Variants in PRORP observed in about 807,000 individuals in gnomAD.
PRORP encodes the protein mitochondrial ribonuclease P catalytic subunit.
A neutral mutation model predicts 59.4 loss-of-function variants in PRORP; 51 were observed. That is an observed-to-expected ratio of 0.86 (90% confidence interval 0.69 to 1.08). The LOEUF (loss-of-function observed/expected upper bound fraction) is 1.08, where lower values mean the gene tolerates loss of function less well. Among genes scored for constraint, PRORP ranks in the 50% least tolerant of loss-of-function variants. The pLI, the probability that PRORP is intolerant of heterozygous loss-of-function variation, is 0.00. For synonymous variants in PRORP, 231 were observed against 245.6 expected (o/e 0.94, Z 0.55); for missense variants, 646 against 690.3 (o/e 0.94, Z 0.72).
At chr14:35,267,365 A>G (rs944379175) in intron 6 of PRORP, among the ~76,000 whole-genome samples, 3 of 152,178 alleles carry the variant, frequency 2.0e-5, no homozygotes, top group Non-Finnish European at 4.4e-5. Flanking sequence ...TAGGTAAGGG[A>G]TAGGTCAGAG....
At chr14:35,224,128 G>A (rs547368375) in intron 5 of PRORP, among the ~76,000 whole-genome samples, 1 of 152,280 alleles carries the variant, frequency 6.6e-6, no homozygotes, top group South Asian at 2.1e-4. Context: ...CTTTTAGCTA[G>A]CATTGTAAAG....
intron 5 of PRORP, among the ~76,000 whole-genome samples, chr14:35,213,582 G>A (rs2049508277): frequency 6.6e-6 from 1 of 152,148 alleles, no homozygotes; most frequent in African/African-American, 2.4e-5. Context: ...GGTAGGAAAT[G>A]TGCAACTCTT....
intron 5 of PRORP, among the ~76,000 whole-genome samples, chr14:35,234,467 C>A (rs1167343932): frequency 6.6e-6 from 1 of 152,134 alleles, no homozygotes; most frequent in Non-Finnish European, 1.5e-5. Context: ...CCTCTTAAAA[C>A]CATCTCTGCT....
intron 6 of PRORP, 137 bp from the exon 7 acceptor site, chr14:35,270,264 C>T (rs2051150897): frequency 1.4e-6 from 1 of 737,840 alleles, no homozygotes; most frequent in Non-Finnish European, 2.2e-6. Context: ...TGAGGTGGTT[C>T]TTAAGTATTA....
At chr14:35,122,415 C>G (rs2046942106), upstream of PRORP, 1 of 160,742 alleles carries the variant, frequency 6.2e-6, no homozygotes, top group African/African-American at 2.4e-5. Context: ...GACACTTCAG[C>G]AGCCGTCTCC....
At chr14:35,237,655 C>T (rs2050255276) in intron 5 of PRORP, among the ~76,000 whole-genome samples, 1 of 151,958 alleles carries the variant, frequency 6.6e-6, no homozygotes, top group Admixed American at 6.6e-5. Flanking sequence ...TTTTCACCTT[C>T]TTAAACTTCT....
At chr14:35,169,436 G>A (rs1021358203) in intron 4 of PRORP, among the ~76,000 whole-genome samples, 14 of 140,666 alleles carry the variant, frequency 1.0e-4, no homozygotes, top group South Asian at 4.5e-4. Flanking sequence ...CTGCCTGAGC[G>A]TGGGTAAATT....
At chr14:35,234,997 T>C (rs943751648) in intron 5 of PRORP, among the ~76,000 whole-genome samples, 2 of 152,126 alleles carry the variant, frequency 1.3e-5, no homozygotes, top group African/African-American at 4.8e-5. Flanking sequence ...ATTTTTAATA[T>C]CTTATAACTG....
At chr14:35,203,688 C>A (rs1324067460) in intron 5 of PRORP, among the ~76,000 whole-genome samples, 1 of 151,862 alleles carries the variant, frequency 6.6e-6, no homozygotes, top group Admixed American at 6.6e-5. Flanking sequence ...CACAGTGAAA[C>A]CCCGTCTCTA....
At chr14:35,234,828 A>G (rs2050167874) in intron 5 of PRORP, among the ~76,000 whole-genome samples, 1 of 151,578 alleles carries the variant, frequency 6.6e-6, no homozygotes, top group African/African-American at 2.4e-5. Flanking sequence ...GCAAGCACAC[A>G]CCACCATGCC....
chr14:35,182,414 G>A (rs982192208), intron 5 of PRORP, among the ~76,000 whole-genome samples: 1 of 152,048 alleles, frequency 6.6e-6, no homozygotes, highest in Non-Finnish European at 1.5e-5. Flanking sequence ...GGAGGCCAAG[G>A]CGGGTGGATC....
intron 5 of PRORP, among the ~76,000 whole-genome samples, chr14:35,238,887 A>G (rs1472501463): frequency 6.6e-6 from 1 of 152,220 alleles, no homozygotes; most frequent in African/African-American, 2.4e-5. Flanking sequence ...TTGTGCTTTT[A>G]CAGCCTAACA....
At chr14:35,180,526 C>CTG (rs3058430) in intron 4 of PRORP, 144 bp from the exon 5 acceptor site, 117,812 of 534,520 alleles carry the variant, frequency 0.22, 4,919 homozygotes, top group East Asian at 0.29. Context: ...TGTAGAGTAT[C>CTG]TGTGTGTGTG....
Position 35,127,490 on chromosome 14 carries a change from C to G in PRORP, c.1046C>G (p.Ser349Trp). 6.2e-7 allele frequency: 1 copy of G among 1,603,158 alleles called. No individual in the cohort carries two copies. The highest frequency in any genetic ancestry group is 1.1e-5 in the South Asian group (1 of 89,302). ...FTTVRKSGQC[S>W]GCGKTIESIQ... ...AATTATAATTACAGTGGCCAGTGTT[C>G]GGGCTGTGGAAAAACCATAGAGTCT... is the stretch of plus-strand genomic sequence containing the variant. Residue 349 changes from serine (S) to tryptophan (W), a missense_variant, in exon 4 of 8, where the codon TCG becomes TGG. Transcript: ENST00000534898.
chr14:35,183,023 A>G (rs1003730649), intron 5 of PRORP, among the ~76,000 whole-genome samples: 14 of 152,212 alleles, frequency 9.2e-5, no homozygotes, highest in African/African-American at 3.4e-4. Context: ...TTTGTGAATA[A>G]GGTAAACCAA....
At chr14:35,229,797 A>G (rs1193186769) in intron 5 of PRORP, among the ~76,000 whole-genome samples, 1 of 151,998 alleles carries the variant, frequency 6.6e-6, no homozygotes, top group African/African-American at 2.4e-5. Flanking sequence ...CATTCACTGG[A>G]TTTTTTTCAA....
chr14:35,193,602 C>G (rs2048937087), intron 5 of PRORP, among the ~76,000 whole-genome samples: 2 of 149,146 alleles, frequency 1.3e-5, no homozygotes, highest in Admixed American at 1.3e-4. Flanking sequence ...AAACTATGCT[C>G]AGTATTTTTG....
intron 5 of PRORP, among the ~76,000 whole-genome samples, chr14:35,213,893 G>A (rs767088190): frequency 2.6e-4 from 39 of 152,188 alleles, no homozygotes; most frequent in Admixed American, 5.2e-4. Flanking sequence ...AAGACAAGAA[G>A]TGCTGTTGGA....
chr14:35,212,536 G>C (rs941134173), intron 5 of PRORP, among the ~76,000 whole-genome samples: 3 of 152,120 alleles, frequency 2.0e-5, no homozygotes, highest in Non-Finnish European at 4.4e-5. Flanking sequence ...ATCTCCATAA[G>C]AGCTCTTGGG....
Sources: allele counts gnomAD v4.1 joint callset (sites outside exome capture counted in the v4.1 genomes callset), GRCh38; gene constraint gnomAD v4.1.1; transcripts MANE v1.5; gene names NCBI Gene and HGNC (gene_info 2026-07-23, HGNC 2026-07-21).